Variants in NTRK2 observed in about 807,000 individuals in gnomAD.
The protein encoded by NTRK2 is neurotrophic receptor tyrosine kinase 2, also known as BDNF/NT-3 growth factors receptor.
A neutral mutation model predicts 94.5 loss-of-function variants in NTRK2; 13 were observed. The ratio of observed to expected loss-of-function variants is 0.14; its 90% CI spans 0.09 to 0.22. The LOEUF (loss-of-function observed/expected upper bound fraction) is 0.22, where lower values mean the gene tolerates loss of function less well. Among genes scored for constraint, NTRK2 ranks in the 10% least tolerant of loss-of-function variants. The probability of loss-of-function intolerance (pLI) is 1.00; values close to 1 mark genes in which losing one functional copy is unlikely to be tolerated. For synonymous variants in NTRK2, 372 were observed against 407.4 expected (o/e 0.91, Z 1.05); for missense variants, 639 against 1,071.2 (o/e 0.60, Z 5.63).
chr9:85,014,380 T>G (rs1831989849), intron 17 of NTRK2, among the ~76,000 whole-genome samples: 1 of 152,158 alleles, frequency 6.6e-6, no homozygotes, highest in Non-Finnish European at 1.5e-5. Flanking sequence ...CGTTAACGTG[T>G]GCCAAGGATA....
At chr9:84,706,877 G>T (rs1490115775) in intron 4 of NTRK2, among the ~76,000 whole-genome samples, 2 of 152,036 alleles carry the variant, frequency 1.3e-5, no homozygotes, top group African/African-American at 2.4e-5. Flanking sequence ...GCCTTCCTCG[G>T]CAGGAAACAC....
intron 12 of NTRK2, among the ~76,000 whole-genome samples, chr9:84,760,579 T>A (rs758217540): frequency 1.3e-5 from 2 of 152,258 alleles, no homozygotes; most frequent in African/African-American, 2.4e-5. Context: ...TTCAGCCCTT[T>A]AATACACTAT....
intron 12 of NTRK2, among the ~76,000 whole-genome samples, chr9:84,767,557 T>A (rs1053452883): frequency 5.3e-5 from 8 of 152,324 alleles, no homozygotes; most frequent in Admixed American, 5.2e-4. Flanking sequence ...GAGATCTAAT[T>A]ATCCAAATCT....
chr9:84,710,108 G>A lies in NTRK2; in HGVS notation c.429-529G>A, dbSNP rs539585676. 2.8e-4 allele frequency among the ~76,000 whole-genome samples: 42 copies of A among 152,294 alleles called. 1 individual carries two copies. The South Asian group carries it at 8.3e-3, about 30-fold the overall frequency. On this transcript the variant is annotated intron_variant, in intron 5 of 18. Coordinates refer to ENST00000277120, the MANE Select transcript of NTRK2 (RefSeq NM_006180.6). ...GATTGTATAATGCAGAAAGCTAGGG[G>A]TGCCAGCCTTCTGGCATTCACAATT... is the stretch of plus-strand genomic sequence containing the variant.
rs2061204351 is a variant in NTRK2, at chr9:84,707,889, C to T, written c.405C>T (p.Phe135=). The T allele has an allele frequency of 1.9e-6, 3 of 1,612,810 alleles. No homozygotes were observed. Among genetic ancestry groups the T allele is most frequent in the Non-Finnish European group, 2.5e-6 (3 of 1,179,274 alleles). Residue 135 remains phenylalanine (F), a synonymous_variant, in exon 5 of 19, where the codon TTC becomes TTT. Coordinates refer to ENST00000277120, the MANE Select transcript of NTRK2 (RefSeq NM_006180.6). ...NKLTSLSRKH[F]RHLDLSELIL... is the part of the protein sequence containing the mutation. The stretch of plus-strand genomic sequence containing the variant: ...TGACGAGTTTGTCTAGGAAACATTT[C>T]CGTCACCTTGACTTGTCTGAACTGT...
At chr9:84,842,244 T>C (rs2074227928) in intron 12 of NTRK2, among the ~76,000 whole-genome samples, 1 of 152,210 alleles carries the variant, frequency 6.6e-6, no homozygotes, top group South Asian at 2.1e-4. Flanking sequence ...CTGACCTCTC[T>C]ATCTGCACTT....
At chr9:84,746,502 C>G (rs1225315599) in intron 11 of NTRK2, among the ~76,000 whole-genome samples, 1 of 152,154 alleles carries the variant, frequency 6.6e-6, no homozygotes, top group African/African-American at 2.4e-5. Flanking sequence ...CCAGAGTGAT[C>G]TTTGTAAAGT....
intron 14 of NTRK2, among the ~76,000 whole-genome samples, chr9:84,906,983 G>T (rs954443941): frequency 9.9e-5 from 15 of 152,150 alleles, no homozygotes; most frequent in African/African-American, 3.4e-4. Flanking sequence ...AACCAATTAT[G>T]TAATTCAAAA....
At chr9:84,952,673 C>T (rs569393125) in intron 16 of NTRK2, among the ~76,000 whole-genome samples, 2 of 152,064 alleles carry the variant, frequency 1.3e-5, no homozygotes, top group Non-Finnish European at 2.9e-5. Context: ...TTTAAAGAGC[C>T]GTGTTCAGAA....
intron 17 of NTRK2, among the ~76,000 whole-genome samples, chr9:85,002,411 T>C (rs1324613477): frequency 6.6e-6 from 1 of 152,194 alleles, no homozygotes; most frequent in African/African-American, 2.4e-5. Context: ...CCAGGTGCTG[T>C]GGGTGTCTCT....
intron 12 of NTRK2, among the ~76,000 whole-genome samples, chr9:84,845,219 C>CCAATGAGTCATTGCTCATTGAT (rs2074405051): frequency 6.6e-6 from 1 of 151,098 alleles, no homozygotes; most frequent in Admixed American, 6.6e-5. Context: ...TGCCCATTGA[C>CCAATGAGTCATTGCTCATTGAT]CAATGAGTGG....
chr9:84,772,596 C>G (rs2066663737), intron 12 of NTRK2, among the ~76,000 whole-genome samples: 1 of 152,172 alleles, frequency 6.6e-6, no homozygotes, highest in Non-Finnish European at 1.5e-5. Context: ...TGATGTACCT[C>G]TAGAAGTTTG....
chr9:84,986,211 G>A (rs1242869586), intron 17 of NTRK2, among the ~76,000 whole-genome samples: 1 of 151,860 alleles, frequency 6.6e-6, no homozygotes, highest in Admixed American at 6.6e-5. Context: ...CCCGACCCCT[G>A]CTCCATATTC....
chr9:84,854,833 G>C (rs1321675428), intron 12 of NTRK2, among the ~76,000 whole-genome samples: 1 of 150,988 alleles, frequency 6.6e-6, no homozygotes, highest in Non-Finnish European at 1.5e-5. Context: ...TGTAATCCCA[G>C]CTACTCTAGA....
chr9:84,888,611 CAAAAAAAAAAAAAAAAAAAAAAA>C (rs71369158), intron 14 of NTRK2, among the ~76,000 whole-genome samples: 4 of 33,848 alleles, frequency 1.2e-4, no homozygotes, highest in South Asian at 2.5e-3. Context: ...CACTCCATCT[CAAAAAAAAAAAAAAAAAAAAAAA>C]AAAAAAAAAA....
intron 12 of NTRK2, among the ~76,000 whole-genome samples, chr9:84,791,054 A>C (rs1454133947): frequency 6.6e-6 from 1 of 152,214 alleles, no homozygotes; most frequent in African/African-American, 2.4e-5. Flanking sequence ...TTTAGAATAA[A>C]GATTCTCTAA....
chr9:84,813,623 G>A, intron 12 of NTRK2: 1 of 1,066,046 alleles, frequency 9.4e-7, no homozygotes, highest in Non-Finnish European at 1.1e-6. Flanking sequence ...CCACCATGCT[G>A]TGACCCTCAG....
chr9:84,735,038 G>A (rs2063155842), intron 9 of NTRK2, among the ~76,000 whole-genome samples: 1 of 151,834 alleles, frequency 6.6e-6, no homozygotes, highest in Admixed American at 6.6e-5. Flanking sequence ...TTGTAGCTAT[G>A]GTCAAAGATA....
At chr9:84,705,788 T>C (rs897427076) in intron 4 of NTRK2, among the ~76,000 whole-genome samples, 5 of 149,724 alleles carry the variant, frequency 3.3e-5, no homozygotes, top group Admixed American at 1.3e-4. Flanking sequence ...CATTCTTTTT[T>C]TTTTTTTTTT....
Sources: gnomAD v4.1 joint callset for allele counts (sites outside exome capture counted in the v4.1 genomes callset) on GRCh38, gnomAD v4.1.1 for gene constraint, MANE v1.5 for transcripts, NCBI Gene and HGNC (gene_info 2026-07-23, HGNC 2026-07-21) for gene names.